The following ADAMTSL1 variants were observed in gnomAD, a reference collection of about 807,000 sequenced individuals.
The protein encoded by ADAMTSL1 is ADAMTS-like protein 1.
In ADAMTSL1, 126 loss-of-function variants were observed where a neutral mutation model predicts 201.8. The observed-to-expected ratio is 0.62, with a 90% CI of 0.54 to 0.72. The LOEUF (loss-of-function observed/expected upper bound fraction) is 0.72. Ranked by LOEUF, ADAMTSL1 falls within the 30% of genes least tolerant of loss-of-function variation. The pLI, the probability that ADAMTSL1 is intolerant of heterozygous loss-of-function variation, is 0.00. For synonymous variants in ADAMTSL1, 1,121 were observed against 903.4 expected (o/e 1.24, Z -4.32); for missense variants, 2,679 against 2,277.8 (o/e 1.18, Z -3.59).
intron 7 of ADAMTSL1, among the ~76,000 whole-genome samples, chr9:18,645,524 C>T (rs1184058329): frequency 6.6e-6 from 1 of 150,438 alleles, no homozygotes; most frequent in Non-Finnish European, 1.5e-5. Context: ...GGTTTTAGGT[C>T]TAACGTTTAA....
intron 4 of ADAMTSL1, among the ~76,000 whole-genome samples, chr9:18,599,760 C>A (rs966914975): frequency 2.0e-5 from 3 of 150,962 alleles, no homozygotes; most frequent in Non-Finnish European, 3.0e-5. Context: ...GAATTAGTTG[C>A]CAGTATTTGA....
At chr9:18,794,646 T>TTTG (rs1822277584) in intron 19 of ADAMTSL1, among the ~76,000 whole-genome samples, 1 of 151,174 alleles carries the variant, frequency 6.6e-6, no homozygotes, top group African/African-American at 2.4e-5. Flanking sequence ...GTTGTTGTTG[T>TTTG]TTTTTGAGAC....
intron 2 of ADAMTSL1, among the ~76,000 whole-genome samples, chr9:18,288,289 C>T (rs147856729): frequency 7.9e-5 from 12 of 152,076 alleles, no homozygotes; most frequent in African/African-American, 2.9e-4. Context: ...AAGCAGTTAT[C>T]AAGAAAGAAC....
intron 2 of ADAMTSL1, among the ~76,000 whole-genome samples, chr9:18,303,880 C>T (rs1165482526): frequency 2.0e-5 from 3 of 152,138 alleles, no homozygotes; most frequent in African/African-American, 7.2e-5. Context: ...CCCTGCTATG[C>T]TGTCTTCCTT....
chr9:18,181,639 A>C (rs1275265410), intron 2 of ADAMTSL1, among the ~76,000 whole-genome samples: 1 of 152,228 alleles, frequency 6.6e-6, no homozygotes, highest in South Asian at 2.1e-4. Flanking sequence ...AGGAAACAAC[A>C]GGTGCTGGAG....
chr9:18,584,052 A>G (rs1161413700), intron 4 of ADAMTSL1, among the ~76,000 whole-genome samples: 1 of 152,080 alleles, frequency 6.6e-6, no homozygotes, highest in Non-Finnish European at 1.5e-5. Flanking sequence ...GACTGTTGAG[A>G]AGGATGATTG....
intron 7 of ADAMTSL1, chr9:18,651,209 C>A (rs1415021883): frequency 1.3e-5 from 2 of 152,156 alleles, no homozygotes; most frequent in Non-Finnish European, 2.9e-5. Flanking sequence ...ATGATCTGGC[C>A]ATCATCTGGA....
At chr9:18,228,811 G>T (rs1413383525) in intron 2 of ADAMTSL1, among the ~76,000 whole-genome samples, 1 of 151,618 alleles carries the variant, frequency 6.6e-6, no homozygotes, top group African/African-American at 2.4e-5. Context: ...TTACAGATGA[G>T]AATGCTGTGA....
At chr9:18,465,954 T>C (rs1227328959) in intron 2 of ADAMTSL1, among the ~76,000 whole-genome samples, 1 of 152,142 alleles carries the variant, frequency 6.6e-6, no homozygotes, top group African/African-American at 2.4e-5. Flanking sequence ...TTTCACCACA[T>C]TGGCCAAGCT....
chr9:18,381,523 C>T (rs1169583179), intron 2 of ADAMTSL1, among the ~76,000 whole-genome samples: 1 of 152,128 alleles, frequency 6.6e-6, no homozygotes, highest in African/African-American at 2.4e-5. Flanking sequence ...GACATTGACT[C>T]CTTCACTACA....
chr9:18,077,575 T>C (rs528249842), intron 1 of ADAMTSL1, among the ~76,000 whole-genome samples: 92 of 152,204 alleles, frequency 6.0e-4, no homozygotes, highest in African/African-American at 2.0e-3. Context: ...CACTGAGAAG[T>C]TTCAAAGAAA....
At chr9:18,280,075 T>G (rs1832726961) in intron 2 of ADAMTSL1, among the ~76,000 whole-genome samples, 1 of 152,002 alleles carries the variant, frequency 6.6e-6, no homozygotes, top group African/African-American at 2.4e-5. Context: ...AACCCTAGTT[T>G]TTTTGAAGCG....
intron 3 of ADAMTSL1, among the ~76,000 whole-genome samples, chr9:18,560,061 G>A (rs1356618874): frequency 6.6e-6 from 1 of 152,182 alleles, no homozygotes; most frequent in Non-Finnish European, 1.5e-5. Context: ...TAGGAGTGGT[G>A]AGAGAGGGCA....
chr9:18,773,191 C>T (rs1563786887), intron 17 of ADAMTSL1, among the ~76,000 whole-genome samples: 1 of 152,138 alleles, frequency 6.6e-6, no homozygotes, highest in Non-Finnish European at 1.5e-5. Flanking sequence ...GGCTCAATCT[C>T]ATGGTTACTG....
At chr9:18,650,210 A>G (rs1828141019) in intron 7 of ADAMTSL1, among the ~76,000 whole-genome samples, 1 of 152,092 alleles carries the variant, frequency 6.6e-6, no homozygotes, top group Admixed American at 6.5e-5. Flanking sequence ...GCGGGATATA[A>G]TCTCCTGGTG....
At chr9:18,326,759 C>A (rs1404577743) in intron 2 of ADAMTSL1, among the ~76,000 whole-genome samples, 2 of 152,150 alleles carry the variant, frequency 1.3e-5, no homozygotes, top group Admixed American at 6.5e-5. Flanking sequence ...CTTCATTTTC[C>A]ATATACTTGA....
At chr9:18,815,387 AAAAG>A (rs1823770648) in intron 20 of ADAMTSL1, among the ~76,000 whole-genome samples, 1 of 151,908 alleles carries the variant, frequency 6.6e-6, no homozygotes, top group African/African-American at 2.4e-5. Flanking sequence ...TTAAAAAAAA[AAAAG>A]AAAAAGAATG....
intron 1 of ADAMTSL1, among the ~76,000 whole-genome samples, chr9:18,076,366 T>A (rs548810885): frequency 6.6e-6 from 1 of 152,336 alleles, no homozygotes; most frequent in East Asian, 1.9e-4. Flanking sequence ...CACAGGTAAA[T>A]ACCACTGATA....
Position 18,354,048 on chromosome 9 carries a change from C to CATATAT in ADAMTSL1, c.208-150765_208-150760dup, listed in dbSNP as rs10623938. Among the ~76,000 whole-genome samples, 1,109 of 142,554 alleles carry CATATAT rather than the reference C, an allele frequency of 7.8e-3. 4 individuals carry two copies. Among genetic ancestry groups the CATATAT allele is most frequent in the Non-Finnish European group, 0.012 (778 of 65,356 alleles). The allele number at this position is 142,554 out of a possible 152,430, so 93.5% of individuals were successfully genotyped here. A position where few individuals can be genotyped will look rare whatever the true frequency, so the allele number is the denominator to read the frequency against. Reference sequence around the variant, plus strand: ...TATAGTTCCAGAATTTTTTTCTATACATATATATATATATATATATACCTA... The same window carrying CATATAT: ...TATAGTTCCAGAATTTTTTTCTATACATATATATATATATATATATATATATACCTA... On this transcript the variant is annotated intron_variant, in intron 2 of 29. Coordinates refer to the ADAMTSL1 transcript ENST00000680146.
Sources: allele counts gnomAD v4.1 joint callset (sites outside exome capture counted in the v4.1 genomes callset), GRCh38; gene constraint gnomAD v4.1.1; transcripts MANE v1.5; gene names NCBI Gene and HGNC (gene_info 2026-07-23, HGNC 2026-07-21).